The following ERBB2 variants were observed in gnomAD, a reference collection of about 807,000 sequenced individuals.
ERBB2 encodes receptor tyrosine-protein kinase erbB-2.
A neutral mutation model predicts 149.0 loss-of-function variants in ERBB2; 61 were observed. The observed-to-expected ratio is 0.41, with a 90% confidence interval of 0.33 to 0.51. The LOEUF is 0.51. Ranked by LOEUF, ERBB2 falls within the 20% of genes least tolerant of loss-of-function variation. The pLI is 0.25. For synonymous variants in ERBB2, 633 were observed against 678.8 expected (o/e 0.93, Z 1.05); for missense variants, 1,205 against 1,655.1 (o/e 0.73, Z 4.72).
chr17:39,721,967 G>A (rs1255814437), intron 16 of ERBB2, among the ~76,000 whole-genome samples: 1 of 151,912 alleles, frequency 6.6e-6, no homozygotes, highest in Non-Finnish European at 1.5e-5. Context: ...TACCCAGGCT[G>A]GAGTGCAATG....
At chr17:39,693,110 GT>G (rs1373680826), upstream of ERBB2, among the ~76,000 whole-genome samples, 1 of 152,116 alleles carries the variant, frequency 6.6e-6, no homozygotes, top group Non-Finnish European at 1.5e-5. Flanking sequence ...ATTTCATGCA[GT>G]AGCAAGCATC....
In ERBB2 at chr17:39,711,965, C is replaced by T. The variant is rs138280629; in HGVS notation, c.939C>T (p.Leu313=). The change falls in exon 8 of 27, where the codon CTC becomes CTT. Residue 313 remains leucine (L), a synonymous_variant. Coordinates refer to ENST00000269571, the MANE Select transcript of ERBB2 (RefSeq NM_004448.4). ...CTACGGACGTGGGATCCTGCACCCT[C>T]GTCTGCCCCCTGCACAACCAAGAGG... ...YLSTDVGSCT[L]VCPLHNQEVT... The T allele has an allele frequency of 2.1e-5, 34 of 1,614,034 alleles. No homozygotes were observed. Among genetic ancestry groups the T allele is most frequent in the Middle Eastern group, 1.6e-4 (1 of 6,084 alleles).
intron 16 of ERBB2, among the ~76,000 whole-genome samples, chr17:39,721,261 CTTTTTTTTTTTT>C (rs33957748): frequency 2.4e-5 from 2 of 82,950 alleles, no homozygotes; most frequent in Admixed American, 1.4e-4. Flanking sequence ...TGAGCCAAGT[CTTTTTTTTTTTT>C]TTTTTTTTTT....
At chr17:39,695,599 C>T (rs1177562389), upstream of ERBB2, among the ~76,000 whole-genome samples, 4 of 151,990 alleles carry the variant, frequency 2.6e-5, no homozygotes, top group South Asian at 2.1e-4. Context: ...GCCTGGACAT[C>T]GGACTGTGGA....
upstream of ERBB2, chr17:39,693,287 T>C (rs1339957812): frequency 6.6e-6 from 1 of 152,350 alleles, no homozygotes; most frequent in Non-Finnish European, 1.5e-5. Flanking sequence ...ATGATGAGGA[T>C]GAAAACCTTT....
chr17:39,702,658 A>G (rs1258234331), intron 1 of ERBB2, among the ~76,000 whole-genome samples: 1 of 152,244 alleles, frequency 6.6e-6, no homozygotes, highest in Admixed American at 6.5e-5. Flanking sequence ...AAGCATGTTT[A>G]ATTTTCTCGT....
In ERBB2 at chr17:39,726,930, G is replaced by A. The variant is rs1395420735; in HGVS notation, c.3086G>A (p.Gly1029Asp). 4 of 1,613,698 alleles carry A rather than the reference G, an allele frequency of 2.5e-6. No homozygotes were observed. The highest frequency in any genetic ancestry group is 3.4e-6 in the Non-Finnish European group (4 of 1,179,962). The change falls in exon 25 of 27, where the codon GGC (glycine) becomes GAC (aspartate). Residue 1029 changes from glycine to aspartate, a missense_variant. Coordinates refer to ENST00000269571, the MANE Select transcript of ERBB2 (RefSeq NM_004448.4). The surrounding 1 kb of genome is among the most constrained non-coding windows in gnomAD (Gnocchi z 5.1). The part of the protein sequence containing the change: ...DAEEYLVPQQ[G>D]FFCPDPAPGA... ...GAGGAGTATCTGGTACCCCAGCAGG[G>A]CTTCTTCTGTCCAGACCCTGCCCCG...
rs200189245 is a variant in ERBB2 at position 39,717,309 on chromosome 17, G to GC, written c.1738-3dup. 2,429 of 1,581,118 alleles carry GC rather than the reference G, an allele frequency of 1.5e-3. 23 individuals are homozygous for GC. The African/African-American group carries it at 0.023, about 15-fold the overall frequency. On this transcript the variant is annotated splice_polypyrimidine_tract_variant and intron_variant, in intron 14 of 26. Transcript: ENST00000269571. ...TGCCAGCCCCCCACAAATCTTTTCT[G>GC]CCCCCCCCAGGAGGCTGACCAGTGT... is the stretch of plus-strand genomic sequence containing the variant.
intron 1 of ERBB2, among the ~76,000 whole-genome samples, chr17:39,704,779 A>G (rs572710686): frequency 6.6e-6 from 1 of 152,100 alleles, no homozygotes; most frequent in East Asian, 1.9e-4. Flanking sequence ...AATCAGACTC[A>G]AATTGGCCAC....
upstream of ERBB2, chr17:39,694,709 A>C (rs2057821652): frequency 6.6e-6 from 1 of 152,164 alleles, no homozygotes; most frequent in East Asian, 1.9e-4. Flanking sequence ...CTTGGACCAA[A>C]AGTCAGAGGC....
rs2145526271 is a variant in ERBB2 at position 39,710,489 on chromosome 17, C to T, written c.901+8C>T. On this transcript the variant is annotated splice_region_variant and intron_variant, in intron 7 of 26. Transcript: ENST00000269571. ...GTGTGACTGCCTGTCCCTGTGAGTG[C>T]CAGGGAGAAACACAGTTTTCTCATT... 1 of 1,613,714 alleles carries T rather than the reference C, an allele frequency of 6.2e-7. No individual in the cohort carries two copies. The highest frequency in any genetic ancestry group is 2.2e-5 in the East Asian group (1 of 44,888).
rs1039589946 is a variant in ERBB2, at chr17:39,700,248, G to T, written c.10G>T (p.Ala4Ser). The T allele has an allele frequency of 6.9e-6, 10 of 1,442,774 alleles. No individual in the cohort carries two copies. The highest frequency in any genetic ancestry group is 5.9e-5 in the African/African-American group (4 of 67,710). The allele number at this position is 1,442,774 out of a possible 1,614,324, so 89.4% of individuals were successfully genotyped here. ...AGCCGCAGTGAGCACCATGGAGCTG[G>T]CGGCCTTGTGCCGCTGGGGGCTCCT... MEL[A>S]ALCRWGLLLA... Residue 4 changes from alanine (A) to serine (S), a missense_variant, in exon 1 of 27, where the codon GCG becomes TCG. This residue lies in a region of ERBB2 where 101 missense variants were observed against 95.1 expected (regional missense o/e 1.06). Coordinates refer to ENST00000269571, the MANE Select transcript of ERBB2 (RefSeq NM_004448.4).
At chr17:39,692,018 T>A (rs772008592), upstream of ERBB2, among the ~76,000 whole-genome samples, 2 of 150,660 alleles carry the variant, frequency 1.3e-5, no homozygotes, top group South Asian at 4.2e-4. Flanking sequence ...CACATCCGGC[T>A]AATTTTTGTA....
At chr17:39,721,158 C>T (rs1172481237) in intron 16 of ERBB2, among the ~76,000 whole-genome samples, 2 of 151,970 alleles carry the variant, frequency 1.3e-5, no homozygotes, top group Non-Finnish European at 2.9e-5. Context: ...CTATGTTGCC[C>T]GAGCTGGTCT....
chr17:39,692,401 A>C (rs1376252816), upstream of ERBB2, among the ~76,000 whole-genome samples: 2 of 151,636 alleles, frequency 1.3e-5, no homozygotes, highest in Non-Finnish European at 2.9e-5. Flanking sequence ...GGAAGTAAGG[A>C]ACACTTTTTT....
upstream of ERBB2, among the ~76,000 whole-genome samples, chr17:39,695,718 C>CACACAT (rs1439379163): frequency 1.4e-5 from 2 of 139,104 alleles, no homozygotes. Flanking sequence ...CACACACACA[C>CACACAT]ACACACACAC....
At chr17:39,716,027 G>T (rs2059103808) in intron 12 of ERBB2, 88 bp downstream of exon 12, 2 of 1,339,722 alleles carry the variant, frequency 1.5e-6, no homozygotes, top group Admixed American at 3.9e-5. Flanking sequence ...TCTTGGACTT[G>T]TGCAGACTGC....
Position 39,724,840 on chromosome 17 carries a change from G to C in ERBB2, c.2422G>C (p.Asp808His), listed in dbSNP as rs977391376. Residue 808 changes from aspartate (D) to histidine (H), a missense_variant, in exon 20 of 27, where the codon GAC becomes CAC. Coordinates refer to ENST00000269571, the MANE Select transcript of ERBB2 (RefSeq NM_004448.4). ...TQLMPYGCLL[D>H]HVRENRGRLG... The stretch of plus-strand genomic sequence containing the variant: ...GCTTATGCCCTATGGCTGCCTCTTA[G>C]ACCATGTCCGGGAAAACCGCGGACG... 6.2e-7 allele frequency: 1 copy of C among 1,614,104 alleles called. No homozygotes were observed. The highest frequency in any genetic ancestry group is 8.5e-7 in the Non-Finnish European group (1 of 1,180,062).
upstream of ERBB2, among the ~76,000 whole-genome samples, chr17:39,694,320 C>T (rs1468161217): frequency 0.013 from 1,153 of 90,044 alleles, 58 homozygotes; most frequent in Admixed American, 0.058. Flanking sequence ...TATATACACA[C>T]ACACATATAT....
Sources: allele counts gnomAD v4.1 joint callset (sites outside exome capture counted in the v4.1 genomes callset), GRCh38; gene constraint gnomAD v4.1.1; regional missense constraint gnomAD v4.1.1; non-coding constraint Gnocchi (gnomAD v3.1); transcripts MANE v1.5; gene names NCBI Gene and HGNC (gene_info 2026-07-23, HGNC 2026-07-21).